Variants in MACF1 observed in about 807,000 individuals in gnomAD.
The protein encoded by MACF1 is microtubule-actin cross-linking factor 1.
A neutral mutation model predicts 854.8 loss-of-function variants in MACF1; 193 were observed. The observed-to-expected ratio is 0.23, with a 90% CI of 0.20 to 0.25. The LOEUF (loss-of-function observed/expected upper bound fraction) is 0.25, where lower values mean the gene tolerates loss of function less well. Ranked by LOEUF, MACF1 falls within the 10% of genes least tolerant of loss-of-function variation. The pLI is 1.00. For missense variants in MACF1, 7,722 were observed against 8,929.1 expected (o/e 0.86, Z 5.45); for synonymous variants, 3,185 against 3,226.7 (o/e 0.99, Z 0.44).
intron 2 of MACF1, among the ~76,000 whole-genome samples, chr1:39,158,028 A>G (rs1027673245): frequency 6.6e-6 from 1 of 152,244 alleles, no homozygotes. Flanking sequence ...TGAGTTCCTT[A>G]CAACAAAGAT....
In MACF1 at chr1:39,346,962, T is replaced by G. The variant is rs776447778; in HGVS notation, c.10582-15T>G. 5.7e-6 allele frequency: 9 copies of G among 1,569,446 alleles called. No homozygotes were observed. The South Asian group carries it at 9.2e-5, about 16-fold the overall frequency. On this transcript the variant is annotated splice_polypyrimidine_tract_variant and intron_variant, in intron 40 of 100. Coordinates refer to ENST00000564288, the MANE Select transcript of MACF1 (RefSeq NM_001394062.1). ...TGGTTTTTTGTGTTTTGTTTCCTTTTTCCATTTACCTTAGGATTTGAAACA... is the reference window on the plus strand; with the variant it reads ...TGGTTTTTTGTGTTTTGTTTCCTTTGTCCATTTACCTTAGGATTTGAAACA...
chr1:39,153,857 C>T (rs575431360), intron 2 of MACF1, among the ~76,000 whole-genome samples: 29 of 152,310 alleles, frequency 1.9e-4, no homozygotes, highest in African/African-American at 7.0e-4. Context: ...CAACGCTTCT[C>T]TCCACCAGAC....
intron 44 of MACF1, among the ~76,000 whole-genome samples, chr1:39,354,702 T>C (rs765843020): frequency 3.9e-5 from 6 of 152,178 alleles, no homozygotes; most frequent in East Asian, 1.9e-4. Context: ...GTTCCTCTTA[T>C]ACCCTTTCCT....
In MACF1 at chr1:39,333,944, A is replaced by G; in HGVS notation, c.7356A>G (p.Glu2452=). The part of the protein sequence containing the change: ...LEKASKGRDA[E]KTVRERLISL... ...AAGCTTCCAAAGGTAGAGATGCTGA[A>G]AAAACAGTTAGGGAGAGATTAATTA... Residue 2452 remains glutamate, a synonymous_variant, in exon 37 of 101, where the codon GAA becomes GAG. Coordinates refer to ENST00000564288, the MANE Select transcript of MACF1 (RefSeq NM_001394062.1). 1.2e-6 allele frequency: 2 copies of G among 1,614,220 alleles called. No homozygotes were observed. Among genetic ancestry groups the G allele is most frequent in the Non-Finnish European group, 1.7e-6 (2 of 1,180,044 alleles).
chr1:39,331,172 C>CTTTTTTTTTTTTTTTTTT (rs71060310), intron 36 of MACF1, 31 bp from the exon 37 acceptor site: 1 of 1,044,910 alleles, frequency 9.6e-7, no homozygotes, highest in African/African-American at 2.2e-5. Flanking sequence ...TTCTCTTTTC[C>CTTTTTTTTTTTTTTTTTT]TTTTTTTTTT....
chr1:39,464,783 G>T, intron 94 of MACF1: 3 of 311,676 alleles, frequency 9.6e-6, no homozygotes, highest in Non-Finnish European at 1.9e-5. Flanking sequence ...GCTTGGTAGC[G>T]CATGCCTGTA....
chr1:39,362,432 C>T (rs752166390), intron 49 of MACF1, among the ~76,000 whole-genome samples: 3 of 152,226 alleles, frequency 2.0e-5, no homozygotes, highest in Non-Finnish European at 4.4e-5. Context: ...TGGTCCATTA[C>T]ACACCAGCAT....
At chr1:39,258,108 A>G (rs1233373296) in intron 6 of MACF1, 80 bp downstream of exon 6, 1 of 1,085,940 alleles carries the variant, frequency 9.2e-7, no homozygotes, top group African/African-American at 1.6e-5. Flanking sequence ...CACAGACAGC[A>G]TTGAGCCTTC....
intron 2 of MACF1, among the ~76,000 whole-genome samples, chr1:39,199,687 C>T (rs74561334): frequency 0.061 from 9,236 of 152,190 alleles, 364 homozygotes; most frequent in Admixed American, 0.082. Context: ...TTTAGTTTCC[C>T]TTCCAAGCAA....
At chr1:39,374,130 TACTC>T (rs770999319) in intron 52 of MACF1, among the ~76,000 whole-genome samples, 123 of 151,844 alleles carry the variant, frequency 8.1e-4, no homozygotes, top group Non-Finnish European at 1.5e-3. Flanking sequence ...TAATCCTAGC[TACTC>T]AGGAGGCTGA....
rs57125297 is a variant in MACF1, at chr1:39,403,078, G to GTTGTTTTGTT, written c.15816+14449_15816+14458dup. 2.4e-4 allele frequency among the ~76,000 whole-genome samples: 35 copies of GTTGTTTTGTT among 145,884 alleles called. No individual in the cohort carries two copies. In the South Asian group the frequency reaches 3.0e-3, roughly 13 times the overall value. On this transcript the variant is annotated intron_variant, in intron 58 of 100. Coordinates refer to ENST00000564288, the MANE Select transcript of MACF1 (RefSeq NM_001394062.1). Reference sequence around the variant, plus strand: ...TTTGGTTTGGTTTTTTTTTTGTTTGGTTGTTTTGTTTTGTTTTGTTTTGTT... The same window carrying GTTGTTTTGTT: ...TTTGGTTTGGTTTTTTTTTTGTTTGGTTGTTTTGTTTTGTTTTGTTTTGTTTTGTTTTGTT...
At chr1:39,399,247 C>G (rs1642383180) in intron 58 of MACF1, among the ~76,000 whole-genome samples, 1 of 152,108 alleles carries the variant, frequency 6.6e-6, no homozygotes, top group Admixed American at 6.6e-5. Context: ...ATTTGATCCC[C>G]ACTATCTTTC....
At chr1:39,173,763 G>C (rs1643986016) in intron 2 of MACF1, among the ~76,000 whole-genome samples, 1 of 152,094 alleles carries the variant, frequency 6.6e-6, no homozygotes, top group African/African-American at 2.4e-5. Flanking sequence ...GGATACAAGA[G>C]CCCAAAGCAC....
intron 6 of MACF1, among the ~76,000 whole-genome samples, chr1:39,260,775 A>G (rs1432524714): frequency 6.6e-6 from 1 of 152,146 alleles, no homozygotes; most frequent in East Asian, 1.9e-4. Flanking sequence ...TTTTACTGAT[A>G]TTTCTAATTC....
chr1:39,383,397 GAAA>G (rs1650414501), intron 56 of MACF1, among the ~76,000 whole-genome samples: 2 of 152,042 alleles, frequency 1.3e-5, no homozygotes, highest in African/African-American at 4.8e-5. Flanking sequence ...TTTATTCTCT[GAAA>G]AATTACTGAG....
intron 2 of MACF1, among the ~76,000 whole-genome samples, chr1:39,087,995 G>A (rs1641715923): frequency 6.8e-6 from 1 of 147,048 alleles, no homozygotes; most frequent in Admixed American, 6.8e-5. Context: ...ATGGAGTCTC[G>A]CTGTCGCCCA....
chr1:39,327,876 T>C (rs754490208), intron 36 of MACF1, among the ~76,000 whole-genome samples: 4 of 152,210 alleles, frequency 2.6e-5, no homozygotes, highest in Non-Finnish European at 5.9e-5. Context: ...CCAGTTCCCC[T>C]CCATATTCAT....
intron 2 of MACF1, among the ~76,000 whole-genome samples, chr1:39,112,656 G>A (rs1227600176): frequency 6.6e-6 from 1 of 151,806 alleles, no homozygotes; most frequent in African/African-American, 2.4e-5. Flanking sequence ...ACTCCAGCCT[G>A]GACAACAGAG....
intron 22 of MACF1, 98 bp downstream of exon 22, chr1:39,300,460 CG>C: frequency 8.3e-7 from 1 of 1,211,310 alleles, no homozygotes; most frequent in African/African-American, 1.6e-5. Context: ...CAAATTACAG[CG>C]TTTTTAAAAT....
Sources: gnomAD v4.1 joint callset for allele counts (sites outside exome capture counted in the v4.1 genomes callset) on GRCh38, gnomAD v4.1.1 for gene constraint, MANE v1.5 for transcripts, NCBI Gene and HGNC (gene_info 2026-07-23, HGNC 2026-07-21) for gene names.